Variants in PHC2 observed in about 807,000 individuals in gnomAD.
PHC2 encodes the protein polyhomeotic-like protein 2.
In PHC2, 29 loss-of-function variants were observed where a neutral mutation model predicts 87.4. The observed-to-expected ratio is 0.33, with a 90% CI of 0.25 to 0.45. PHC2 has a LOEUF of 0.45. Ranked by LOEUF, PHC2 falls within the 20% of genes least tolerant of loss-of-function variation. PHC2 has a pLI of 1.00. For missense variants in PHC2, 857 were observed against 1,136.7 expected, an observed-to-expected ratio of 0.75 and a Z score of 3.54; for synonymous variants, 438 against 461.7, an observed-to-expected ratio of 0.95 and a Z score of 0.66.
chr1:33,339,319 G>A (rs1646699183), intron 9 of PHC2, among the ~76,000 whole-genome samples: 1 of 152,158 alleles, frequency 6.6e-6, no homozygotes, highest in South Asian at 2.1e-4. Flanking sequence ...GCCAAGATAA[G>A]CAATTTGGCA....
At chr1:33,424,363 G>A (rs1474618001) in intron 1 of PHC2, among the ~76,000 whole-genome samples, 1 of 152,116 alleles carries the variant, frequency 6.6e-6, no homozygotes. Flanking sequence ...CCATTAGAAA[G>A]AGAACAGAGA....
At chr1:33,390,369 T>C (rs1236572931) in intron 1 of PHC2, among the ~76,000 whole-genome samples, 6 of 152,234 alleles carry the variant, frequency 3.9e-5, no homozygotes, top group African/African-American at 2.4e-5. Context: ...ACCATCTAGT[T>C]ACTAGAGTAA....
chr1:33,415,089 G>T (rs1650149027), intron 1 of PHC2, among the ~76,000 whole-genome samples: 1 of 152,196 alleles, frequency 6.6e-6, no homozygotes, highest in Non-Finnish European at 1.5e-5. Context: ...GTTCCTGGAT[G>T]CAGTACAGGG....
intron 1 of PHC2, among the ~76,000 whole-genome samples, chr1:33,398,830 A>G (rs1649399841): frequency 6.6e-6 from 1 of 152,196 alleles, no homozygotes; most frequent in Non-Finnish European, 1.5e-5. Context: ...ATGGCTTCAC[A>G]ACAGAGGGCA....
chr1:33,358,939 CAGAAGTCA>C (rs1258821486), intron 7 of PHC2: 1 of 152,128 alleles, frequency 6.6e-6, no homozygotes, highest in Non-Finnish European at 1.5e-5. Context: ...GCAGTGTGCC[CAGAAGTCA>C]AGTGTGAGCT....
intron 7 of PHC2, 74 bp from the exon 8 acceptor site, chr1:33,355,327 C>T: frequency 7.4e-7 from 1 of 1,349,386 alleles, no homozygotes; most frequent in East Asian, 2.4e-5. Flanking sequence ...CTCTGCCCCT[C>T]CCGCATCCAA....
At chr1:33,365,908 C>T (rs1404641874) in intron 7 of PHC2, among the ~76,000 whole-genome samples, 1 of 152,218 alleles carries the variant, frequency 6.6e-6, no homozygotes, top group Non-Finnish European at 1.5e-5. Flanking sequence ...CCGCAAGGCT[C>T]ATGTGCCATG....
intron 9 of PHC2, chr1:33,336,455 G>A (rs1381754306): frequency 1.7e-4 from 1 of 5,722 alleles, no homozygotes; most frequent in Non-Finnish European, 1.6e-3. Flanking sequence ...AAGGACCAAT[G>A]AAGTTTTTTT....
chr1:33,367,548 C>T, intron 6 of PHC2, 120 bp from the exon 7 acceptor site: 1 of 791,382 alleles, frequency 1.3e-6, no homozygotes, highest in East Asian at 2.6e-5. Context: ...GTTGTCAAAT[C>T]AGAGAGAGAG....
At chr1:33,410,838 A>C (rs762954001) in intron 1 of PHC2, among the ~76,000 whole-genome samples, 3 of 152,184 alleles carry the variant, frequency 2.0e-5, no homozygotes, top group Non-Finnish European at 4.4e-5. Flanking sequence ...ATTAAACAGG[A>C]CTGGAAATAC....
In PHC2 at chr1:33,349,601, C is replaced by T. The variant is rs1646919611; in HGVS notation, c.1558+4800G>A. On this transcript the variant is annotated intron_variant, in intron 9 of 14. Transcript: ENST00000683057. This position sits in a 1 kb window ranked among gnomAD's most constrained non-coding sequence, Gnocchi z 4.2. ...CTCCCCCGCCCCGGCACTGACCTGT[C>T]CAGGGCCCGGCTGGGCCTGGCCGGG... 12 of 984,060 alleles carry T rather than the reference C, an allele frequency of 1.2e-5. No individual in the cohort carries two copies. Among genetic ancestry groups the T allele is most frequent in the Non-Finnish European group, 1.3e-5 (11 of 829,404 alleles). The allele number at this position is 984,060 out of a possible 1,614,324, so 61.0% of individuals were successfully genotyped here.
intron 1 of PHC2, among the ~76,000 whole-genome samples, chr1:33,404,534 C>T (rs1328401697): frequency 2.6e-5 from 4 of 152,200 alleles, no homozygotes; most frequent in African/African-American, 9.6e-5. Flanking sequence ...CTTTCCACTT[C>T]CCTTTTGCAC....
chr1:33,393,328 C>T (rs1422456240), intron 1 of PHC2, among the ~76,000 whole-genome samples: 1 of 152,130 alleles, frequency 6.6e-6, no homozygotes, highest in Non-Finnish European at 1.5e-5. Context: ...GCACTTCTAC[C>T]CTGATTTAGA....
intron 1 of PHC2, among the ~76,000 whole-genome samples, chr1:33,400,791 G>A (rs1649490284): frequency 1.3e-5 from 2 of 152,114 alleles, no homozygotes; most frequent in Non-Finnish European, 2.9e-5. Flanking sequence ...AGTAAGAATT[G>A]TACATGTTGA....
At position 33,349,946 on chromosome 1, in the gene PHC2, C is replaced by T. The variant is rs1258562480; in HGVS notation, c.1558+4455G>A. ...GCGGCCGCCTCCGCCGGGGGCGGGG[C>T]GAGGGAGCGGGGCGGGGAGGGGCGG... On this transcript the variant is annotated intron_variant, in intron 9 of 14. Coordinates refer to ENST00000683057, the MANE Select transcript of PHC2 (RefSeq NM_001385109.1). The surrounding 1 kb of genome is among the most constrained non-coding windows in gnomAD (Gnocchi z 4.2). The T allele has an allele frequency of 2.2e-5, 8 of 360,508 alleles. No homozygotes were observed. Among genetic ancestry groups the T allele is most frequent in the Non-Finnish European group, 2.9e-5 (8 of 271,890 alleles). The allele number at this position is 360,508 out of a possible 1,614,324, so 22.3% of individuals were successfully genotyped here.
intron 1 of PHC2, among the ~76,000 whole-genome samples, chr1:33,397,803 A>C (rs1649356027): frequency 6.6e-6 from 1 of 152,108 alleles, no homozygotes; most frequent in Admixed American, 6.5e-5. Context: ...TGATGCGACA[A>C]AGGAAAATAC....
chr1:33,424,108 A>C (rs1483961637), intron 1 of PHC2, among the ~76,000 whole-genome samples: 5 of 151,786 alleles, frequency 3.3e-5, no homozygotes, highest in Non-Finnish European at 4.4e-5. Context: ...AAAAAAAAAA[A>C]AAACAAAAAA....
At chr1:33,367,943 C>T (rs533105005) in intron 6 of PHC2, among the ~76,000 whole-genome samples, 81 of 152,294 alleles carry the variant, frequency 5.3e-4, no homozygotes, top group African/African-American at 1.9e-3. Flanking sequence ...CGGTCCCTGG[C>T]GCCCTCTGCT....
At chr1:33,380,632 A>T (rs1648448348) in intron 1 of PHC2, among the ~76,000 whole-genome samples, 1 of 152,224 alleles carries the variant, frequency 6.6e-6, no homozygotes, top group Admixed American at 6.5e-5. Context: ...ATAATGTTGC[A>T]ATGGAATGAA....
Sources: gnomAD v4.1 joint callset for allele counts (sites outside exome capture counted in the v4.1 genomes callset) on GRCh38, gnomAD v4.1.1 for gene constraint, Gnocchi (gnomAD v3.1) non-coding constraint, MANE v1.5 for transcripts, NCBI Gene and HGNC (gene_info 2026-07-23, HGNC 2026-07-21) for gene names.